DCDC1: variants seen among roughly 807,000 people sequenced by gnomAD.
The protein encoded by DCDC1 is doublecortin domain containing 1, also known as doublecortin domain-containing protein 1.
A neutral mutation model predicts 178.3 loss-of-function variants in DCDC1; 200 were observed. That is an observed-to-expected ratio of 1.12 (90% CI 1.00 to 1.26). The LOEUF is 1.26. Ranked by LOEUF, DCDC1 falls within the 50% of genes most tolerant of loss-of-function variation. The pLI is 0.00. For missense variants in DCDC1, 1,983 were observed against 1,749.2 expected, an observed-to-expected ratio of 1.13 and a Z score of -2.38; for synonymous variants, 690 against 604.8, an observed-to-expected ratio of 1.14 and a Z score of -2.07.
At chr11:31,017,796 T>A (rs1346012168) in intron 20 of DCDC1, among the ~76,000 whole-genome samples, 1 of 152,194 alleles carries the variant, frequency 6.6e-6, no homozygotes, top group East Asian at 1.9e-4. Flanking sequence ...ACTTACTATG[T>A]TGCCCAGGCT....
intron 9 of DCDC1, among the ~76,000 whole-genome samples, chr11:31,190,066 T>A (rs1327130773): frequency 6.6e-6 from 1 of 152,248 alleles, no homozygotes; most frequent in South Asian, 2.1e-4. Flanking sequence ...ATTGAACCAC[T>A]ATTTTAAGGG....
intron 22 of DCDC1, among the ~76,000 whole-genome samples, chr11:30,929,184 A>G (rs141872128): frequency 1.9e-4 from 29 of 152,274 alleles, no homozygotes; most frequent in African/African-American, 6.5e-4. Context: ...GTGGCTAACA[A>G]AGTGACTCCC....
intron 7 of DCDC1, among the ~76,000 whole-genome samples, chr11:31,273,327 G>T (rs771743161): frequency 6.6e-6 from 1 of 151,984 alleles, no homozygotes; most frequent in Non-Finnish European, 1.5e-5. Flanking sequence ...TGCCTTTAAC[G>T]GTACCCAAGT....
intron 27 of DCDC1, among the ~76,000 whole-genome samples, chr11:30,912,585 G>A (rs1351133170): frequency 1.3e-5 from 2 of 152,056 alleles, no homozygotes; most frequent in Non-Finnish European, 2.9e-5. Context: ...GCCCGGCCCT[G>A]TTTCAGTTAT....
intron 7 of DCDC1, among the ~76,000 whole-genome samples, chr11:31,286,419 T>C (rs1946843740): frequency 6.6e-6 from 1 of 151,996 alleles, no homozygotes; most frequent in Admixed American, 6.6e-5. Flanking sequence ...TATTATTATA[T>C]AGCACAAATT....
chr11:30,890,857 A>G (rs1943712639), intron 36 of DCDC1, among the ~76,000 whole-genome samples: 1 of 152,152 alleles, frequency 6.6e-6, no homozygotes, highest in Non-Finnish European at 1.5e-5. Flanking sequence ...ATTTCATCCT[A>G]TGTGCTATAT....
At chr11:30,921,255 G>GT (rs1247119355) in intron 24 of DCDC1, among the ~76,000 whole-genome samples, 4 of 152,138 alleles carry the variant, frequency 2.6e-5, no homozygotes, top group African/African-American at 4.8e-5. Context: ...ATCAGTGGAA[G>GT]TCCCAGTCCC....
intron 21 of DCDC1, among the ~76,000 whole-genome samples, chr11:30,937,840 T>C (rs1441225363): frequency 6.6e-6 from 1 of 152,104 alleles, no homozygotes; most frequent in Non-Finnish European, 1.5e-5. Flanking sequence ...CAACAAAACC[T>C]TTAATGGTTA....
chr11:31,070,778 C>T (rs1366278682), intron 18 of DCDC1, among the ~76,000 whole-genome samples: 1 of 152,150 alleles, frequency 6.6e-6, no homozygotes, highest in Non-Finnish European at 1.5e-5. Context: ...GATGGATCAT[C>T]TCCATCACTC....
chr11:30,942,123 T>C (rs1447382375), intron 21 of DCDC1, among the ~76,000 whole-genome samples: 1 of 152,204 alleles, frequency 6.6e-6, no homozygotes, highest in African/African-American at 2.4e-5. Flanking sequence ...TTTAGATAAG[T>C]GTCTGCTATC....
At chr11:31,109,741 A>T (rs1337314900) in intron 12 of DCDC1, among the ~76,000 whole-genome samples, 1 of 152,186 alleles carries the variant, frequency 6.6e-6, no homozygotes, top group Admixed American at 6.5e-5. Context: ...TATGCAAGAC[A>T]AAGACCCAAA....
chr11:31,325,413 C>T (rs1048768919), intron 3 of DCDC1, among the ~76,000 whole-genome samples: 13 of 152,208 alleles, frequency 8.5e-5, no homozygotes, highest in African/African-American at 2.6e-4. Context: ...GTCACATGAC[C>T]TCCAAATGGT....
At position 31,258,271 on chromosome 11, in the gene DCDC1, C is replaced by T. The variant is rs563178821; in HGVS notation, c.1054+7236G>A. On this transcript the variant is annotated intron_variant, in intron 8 of 38. Coordinates refer to ENST00000684477, the MANE Select transcript of DCDC1 (RefSeq NM_001387274.1). ...ATCCTGGGTAGGATTATTTAATTAA[C>T]GGAAGTGAAAATAGGTAAGACTGGT... is the stretch of plus-strand genomic sequence containing the variant. Among the ~76,000 whole-genome samples, 79 of 152,056 alleles carry T rather than the reference C, an allele frequency of 5.2e-4. 2 individuals carry two copies. The highest frequency in any genetic ancestry group is 1.1e-3 in the Non-Finnish European group (72 of 68,016).
At chr11:30,933,733 G>T (rs760765676) in intron 21 of DCDC1, among the ~76,000 whole-genome samples, 1 of 152,146 alleles carries the variant, frequency 6.6e-6, no homozygotes, top group Non-Finnish European at 1.5e-5. Context: ...AAGAATGGAC[G>T]TAGAGGCACA....
At chr11:31,175,451 G>A (rs139889066) in intron 9 of DCDC1, among the ~76,000 whole-genome samples, 1 of 152,192 alleles carries the variant, frequency 6.6e-6, no homozygotes, top group Non-Finnish European at 1.5e-5. Context: ...AAGCTGGCTG[G>A]TTGCCTCACC....
chr11:31,238,667 AAGTG>A (rs1976739888), intron 9 of DCDC1, among the ~76,000 whole-genome samples: 1 of 152,136 alleles, frequency 6.6e-6, no homozygotes, highest in Non-Finnish European at 1.5e-5. Context: ...CTGTCGCTGA[AAGTG>A]TTAACTACAT....
chr11:31,161,320 T>C (rs1185162861), intron 9 of DCDC1, among the ~76,000 whole-genome samples: 1 of 152,122 alleles, frequency 6.6e-6, no homozygotes, highest in African/African-American at 2.4e-5. Flanking sequence ...GGAAAGTGCT[T>C]CACTTCATCA....
In DCDC1 at chr11:31,091,430, T is replaced by C. The variant is rs767114114; in HGVS notation, c.2200A>G (p.Thr734Ala). 2.0e-5 allele frequency: 15 copies of C among 760,882 alleles called. 1 individual carries two copies. The highest frequency in any genetic ancestry group is 1.6e-4 in the South Asian group (12 of 73,288). 47.1% of individuals were successfully genotyped at this position (760,882 alleles called of 1,614,324 possible). ...ATTAATTTATATCCTTCTAGTGATG[T>C]TCCCTCAGCAGCCTTGACTCTGATA... The part of the protein sequence containing the change: ...HPIRVKAAEG[T>A]SLEGYKLILQ... The change falls in exon 17 of 39, where the codon ACA (threonine) becomes GCA (alanine). Residue 734 changes from threonine to alanine, a missense_variant. Physicochemically the swap from Thr to Ala is moderately conservative, Grantham distance 58. Coordinates refer to ENST00000684477, the MANE Select transcript of DCDC1 (RefSeq NM_001387274.1).
intron 9 of DCDC1, among the ~76,000 whole-genome samples, chr11:31,227,971 A>G (rs980583837): frequency 1.3e-5 from 2 of 152,086 alleles, no homozygotes; most frequent in African/African-American, 4.8e-5. Context: ...ATCTTAAAAT[A>G]ATACAAACCC....
Sources: gnomAD v4.1 joint callset for allele counts (sites outside exome capture counted in the v4.1 genomes callset) on GRCh38, gnomAD v4.1.1 for gene constraint, MANE v1.5 for transcripts, NCBI Gene and HGNC (gene_info 2026-07-23, HGNC 2026-07-21) for gene names.